Variants in TMEFF2 observed in about 807,000 individuals in gnomAD.
The protein encoded by TMEFF2 is tomoregulin-2.
In TMEFF2, 28 loss-of-function variants were observed where a neutral mutation model predicts 53.8. The observed-to-expected ratio is 0.52, with a 90% CI of 0.39 to 0.71. The LOEUF is 0.71. TMEFF2 is among the 30% of genes least tolerant of loss of function. The pLI is 0.00. For synonymous variants in TMEFF2, 162 were observed against 166.3 expected (o/e 0.97, Z 0.20); for missense variants, 353 against 455.2 (o/e 0.78, Z 2.04).
intron 7 of TMEFF2, among the ~76,000 whole-genome samples, chr2:191,970,471 A>G (rs193171726): frequency 3.9e-5 from 6 of 152,078 alleles, no homozygotes; most frequent in Admixed American, 3.3e-4. Flanking sequence ...AGAAGGTCAT[A>G]TGAAAATGGC....
chr2:192,061,725 G>C (rs539781176), intron 4 of TMEFF2, among the ~76,000 whole-genome samples: 1 of 152,236 alleles, frequency 6.6e-6, no homozygotes, highest in Admixed American at 6.5e-5. Context: ...TTGCATCATG[G>C]GGGTGGATCC....
chr2:191,989,878 C>T (rs1686061287), intron 7 of TMEFF2, among the ~76,000 whole-genome samples: 1 of 152,106 alleles, frequency 6.6e-6, no homozygotes, highest in Non-Finnish European at 1.5e-5. Flanking sequence ...TCAGATGCTT[C>T]AATGAAATTC....
At chr2:192,111,210 A>G (rs1010937892) in intron 4 of TMEFF2, among the ~76,000 whole-genome samples, 9 of 152,136 alleles carry the variant, frequency 5.9e-5, no homozygotes, top group Admixed American at 5.9e-4. Context: ...AACGGTTTGG[A>G]GGGCTTAGAA....
chr2:192,157,919 G>A (rs1275497223), intron 4 of TMEFF2, among the ~76,000 whole-genome samples: 1 of 151,986 alleles, frequency 6.6e-6, no homozygotes, highest in Non-Finnish European at 1.5e-5. Flanking sequence ...GCACTTCCAT[G>A]TCTTCATGTG....
At chr2:192,078,194 A>G (rs1340225105) in intron 4 of TMEFF2, among the ~76,000 whole-genome samples, 1 of 152,166 alleles carries the variant, frequency 6.6e-6, no homozygotes, top group African/African-American at 2.4e-5. Flanking sequence ...TGTACTGGCC[A>G]TATGTCTTTG....
chr2:192,073,236 C>T (rs1425590643), intron 4 of TMEFF2, among the ~76,000 whole-genome samples: 1 of 151,868 alleles, frequency 6.6e-6, no homozygotes, highest in East Asian at 1.9e-4. Context: ...TTTATATCAG[C>T]TGTACCTGGC....
intron 1 of TMEFF2, among the ~76,000 whole-genome samples, chr2:192,193,454 G>A (rs1271859675): frequency 6.6e-6 from 1 of 152,098 alleles, no homozygotes; most frequent in South Asian, 2.1e-4. Flanking sequence ...AGCGTTCGCC[G>A]TCAGAATCTG....
chr2:192,098,137 ACAATAG>A (rs1559125353), intron 4 of TMEFF2, among the ~76,000 whole-genome samples: 1 of 152,210 alleles, frequency 6.6e-6, no homozygotes, highest in Non-Finnish European at 1.5e-5. Flanking sequence ...GAATTTAACC[ACAATAG>A]CAAAGTGAAA....
chr2:192,108,369 TTAAATG>T (rs1211498905), intron 4 of TMEFF2, among the ~76,000 whole-genome samples: 1 of 151,908 alleles, frequency 6.6e-6, no homozygotes, highest in African/African-American at 2.4e-5. Context: ...AGGGCATTAT[TTAAATG>T]TAATCTTTTT....
chr2:192,125,818 A>T (rs1254723912), intron 4 of TMEFF2, among the ~76,000 whole-genome samples: 1 of 152,182 alleles, frequency 6.6e-6, no homozygotes, highest in Non-Finnish European at 1.5e-5. Flanking sequence ...GTGGGAGCTG[A>T]ATGATGAGAA....
At chr2:192,168,770 C>A (rs1285259604) in intron 4 of TMEFF2, among the ~76,000 whole-genome samples, 1 of 152,062 alleles carries the variant, frequency 6.6e-6, no homozygotes, top group African/African-American at 2.4e-5. Context: ...ATTTAAATGG[C>A]AGCATGCGAA....
intron 4 of TMEFF2, among the ~76,000 whole-genome samples, chr2:192,063,804 C>T (rs891320247): frequency 4.6e-5 from 7 of 151,626 alleles, no homozygotes; most frequent in African/African-American, 1.2e-4. Flanking sequence ...TTATGAAATG[C>T]CCCATTAAAA....
intron 5 of TMEFF2, among the ~76,000 whole-genome samples, chr2:192,020,264 A>C (rs919842435): frequency 3.9e-5 from 6 of 152,088 alleles, no homozygotes; most frequent in African/African-American, 1.4e-4. Context: ...TAATTCTCAA[A>C]TATATGTTAT....
intron 4 of TMEFF2, among the ~76,000 whole-genome samples, chr2:192,175,811 T>G (rs1691026976): frequency 6.6e-6 from 1 of 151,514 alleles, no homozygotes; most frequent in Admixed American, 6.6e-5. Flanking sequence ...TTTATAATTA[T>G]TTTGATAGTT....
At chr2:192,045,407 G>T (rs1307931507) in intron 5 of TMEFF2, among the ~76,000 whole-genome samples, 1 of 152,152 alleles carries the variant, frequency 6.6e-6, no homozygotes. Context: ...GGAAATTTGG[G>T]GAAGAAGTAT....
At chr2:192,189,323 C>A (rs1691402054) in intron 2 of TMEFF2, among the ~76,000 whole-genome samples, 1 of 151,856 alleles carries the variant, frequency 6.6e-6, no homozygotes, top group African/African-American at 2.4e-5. Flanking sequence ...GCGGGTGGAT[C>A]TCCTGAGGGC....
chr2:192,033,871 C>G (rs578056466), intron 5 of TMEFF2, among the ~76,000 whole-genome samples: 1 of 152,214 alleles, frequency 6.6e-6, no homozygotes, highest in East Asian at 1.9e-4. Context: ...GCACCTCTTT[C>G]TCCTTTAAAA....
At chr2:192,094,340 A>G (rs1688856473) in intron 4 of TMEFF2, among the ~76,000 whole-genome samples, 1 of 152,108 alleles carries the variant, frequency 6.6e-6, no homozygotes, top group Admixed American at 6.6e-5. Context: ...CAGCTTCTCA[A>G]CCTACTTGTA....
At chr2:191,997,267 T>C (rs1254143371) in intron 7 of TMEFF2, among the ~76,000 whole-genome samples, 1 of 151,928 alleles carries the variant, frequency 6.6e-6, no homozygotes, top group Non-Finnish European at 1.5e-5. Flanking sequence ...AGATAAAATG[T>C]GGAAAATGTT....
Sources: allele counts gnomAD v4.1 joint callset (sites outside exome capture counted in the v4.1 genomes callset), GRCh38; gene constraint gnomAD v4.1.1; transcripts MANE v1.5; gene names NCBI Gene and HGNC (gene_info 2026-07-23, HGNC 2026-07-21).